SATB1: variants seen among roughly 807,000 people sequenced by gnomAD.
SATB1 encodes the protein DNA-binding protein SATB1.
A neutral mutation model predicts 86.9 loss-of-function variants in SATB1; 11 were observed. The observed-to-expected ratio is 0.13, with a 90% CI of 0.08 to 0.21. The LOEUF is 0.21. Among genes scored for constraint, SATB1 ranks in the 10% least tolerant of loss-of-function variants. SATB1 has a pLI of 1.00. For missense variants in SATB1, 551 were observed against 937.6 expected, an observed-to-expected ratio of 0.59 and a Z score of 5.39; for synonymous variants, 357 against 357.2, an observed-to-expected ratio of 1.00 and a Z score of 0.01.
intron 1 of SATB1, among the ~76,000 whole-genome samples, chr3:18,422,077 A>G (rs1698426160): frequency 6.6e-6 from 1 of 152,184 alleles, no homozygotes; most frequent in East Asian, 1.9e-4. Flanking sequence ...AGAATTGATA[A>G]GAACAGGTAA....
At position 18,347,363 on chromosome 3, in the gene SATB1, A is replaced by ATGT. The variant is rs1694108069; in HGVS notation, c.*1804_*1806dup. 1 of 152,166 alleles carries ATGT rather than the reference A, an allele frequency of 6.6e-6. No individual in the cohort carries two copies. Among genetic ancestry groups the ATGT allele is most frequent in the Non-Finnish European group, 1.5e-5 (1 of 68,020 alleles). The allele number at this position is 152,166 out of a possible 1,614,324, so 9.4% of individuals were successfully genotyped here. ...ATATTCTGGCATTTTACTATGTTTA[A>ATGT]TGTTGCAAGAATTTTGAAGATTGTG... On this transcript the variant is annotated 3_prime_UTR_variant, in exon 11 of 11. Coordinates refer to ENST00000338745, the MANE Select transcript of SATB1 (RefSeq NM_002971.6).
At chr3:18,393,495 T>G (rs1159685063) in intron 7 of SATB1, among the ~76,000 whole-genome samples, 3 of 152,202 alleles carry the variant, frequency 2.0e-5, no homozygotes, top group Admixed American at 1.3e-4. Context: ...ATCTTTATCT[T>G]ATGACCTCTC....
At chr3:18,440,498 A>C (rs9824041), upstream of SATB1, among the ~76,000 whole-genome samples, 1,559 of 152,252 alleles carry the variant, frequency 0.01, 28 homozygotes, top group African/African-American at 0.036. Context: ...CGTGCACTAA[A>C]CTATAAACTG....
chr3:18,366,771 G>A (rs928580262), intron 9 of SATB1, among the ~76,000 whole-genome samples: 2 of 152,034 alleles, frequency 1.3e-5, no homozygotes, highest in Admixed American at 1.3e-4. Flanking sequence ...ATGTAATATG[G>A]AGTTCATATA....
chr3:18,396,842 A>T (rs906310009), intron 6 of SATB1, among the ~76,000 whole-genome samples: 1 of 152,164 alleles, frequency 6.6e-6, no homozygotes, highest in African/African-American at 2.4e-5. Context: ...CAAAAAACCT[A>T]AAAGCAAGAC....
intron 1 of SATB1, among the ~76,000 whole-genome samples, chr3:18,422,477 A>C (rs1490334131): frequency 6.6e-6 from 1 of 152,224 alleles, no homozygotes; most frequent in Non-Finnish European, 1.5e-5. Flanking sequence ...CACACTGAGA[A>C]CTAAAGGTTT....
At chr3:18,427,528 T>C (rs190719043), upstream of SATB1, among the ~76,000 whole-genome samples, 160 of 152,290 alleles carry the variant, frequency 1.1e-3, 1 homozygote, top group Admixed American at 7.7e-3. Context: ...ACGGGAAATA[T>C]CAATATTAAG....
upstream of SATB1, among the ~76,000 whole-genome samples, chr3:18,426,279 C>T (rs1387854925): frequency 2.0e-5 from 3 of 152,190 alleles, no homozygotes; most frequent in African/African-American, 7.2e-5. The surrounding 1 kb of genome is among the most constrained non-coding windows in gnomAD (Gnocchi z 4.2). Context: ...TCAAATCGCC[C>T]TCACTTCTGA....
At position 18,386,918 on chromosome 3, in the gene SATB1, C is replaced by A. The variant is rs765004006; in HGVS notation, c.1207-307G>T. ...ACGATCCAGGGAAGTTAAGAATAAA[C>A]GAAATCCTTATAATGCAACAGCACT... On this transcript the variant is annotated intron_variant, in intron 7 of 10. Coordinates refer to ENST00000338745, the MANE Select transcript of SATB1 (RefSeq NM_002971.6). This position sits in a 1 kb window ranked among gnomAD's most constrained non-coding sequence, Gnocchi z 4.5. Among the ~76,000 whole-genome samples, 2 of 152,092 alleles carry A rather than the reference C, an allele frequency of 1.3e-5. No individual in the cohort carries two copies. Among genetic ancestry groups the A allele is most frequent in the South Asian group, 4.1e-4 (2 of 4,830 alleles).
At chr3:18,445,523 CG>C in exon 1 of SATB1, 1 of 985,432 alleles carries the variant, frequency 1.0e-6, no homozygotes, top group East Asian at 1.1e-4. Context: ...CTCACCTCTC[CG>C]GGGGCCCCCA....
chr3:18,399,159 GT>G (rs1160858139), intron 5 of SATB1, among the ~76,000 whole-genome samples: 1 of 152,184 alleles, frequency 6.6e-6, no homozygotes, highest in African/African-American at 2.4e-5. Context: ...TTTTAGAAGT[GT>G]ATGGAATATC....
intron 9 of SATB1, among the ~76,000 whole-genome samples, chr3:18,361,389 G>A (rs1694899316): frequency 6.6e-6 from 1 of 152,104 alleles, no homozygotes; most frequent in South Asian, 2.1e-4. Flanking sequence ...TATGATGAAT[G>A]TAAGCTATTA....
At chr3:18,367,421 A>C (rs1695238851) in intron 9 of SATB1, among the ~76,000 whole-genome samples, 1 of 152,316 alleles carries the variant, frequency 6.6e-6, no homozygotes, top group African/African-American at 2.4e-5. Context: ...TGTTTTCATG[A>C]AGATATGAGA....
intron 1 of SATB1, among the ~76,000 whole-genome samples, chr3:18,421,733 A>G (rs1698407790): frequency 1.3e-5 from 2 of 152,092 alleles, no homozygotes; most frequent in African/African-American, 2.4e-5. Context: ...TGTGTTTTAG[A>G]GTCAGTATTT....
rs528120491 is a variant in SATB1, at chr3:18,360,995, G to A, written c.1576-8800C>T. Among the ~76,000 whole-genome samples the A allele has an allele frequency of 3.3e-5, 5 of 152,178 alleles. No individual in the cohort carries two copies. The East Asian group carries it at 9.7e-4, about 29-fold the overall frequency. On this transcript the variant is annotated intron_variant, in intron 9 of 10. Coordinates refer to ENST00000338745, the MANE Select transcript of SATB1 (RefSeq NM_002971.6). ...AATACTGGCTTGGATTTGAAAAGGGGACAATATTTAAAACAGGAAAAATAA... is the reference window on the plus strand; with the variant it reads ...AATACTGGCTTGGATTTGAAAAGGGAACAATATTTAAAACAGGAAAAATAA...
At chr3:18,374,255 A>G (rs1279790191) in intron 9 of SATB1, among the ~76,000 whole-genome samples, 1 of 152,194 alleles carries the variant, frequency 6.6e-6, no homozygotes, top group East Asian at 1.9e-4. Context: ...ATCTGCCACC[A>G]TTAAGGAAAA....
upstream of SATB1, among the ~76,000 whole-genome samples, chr3:18,429,912 A>C (rs1698835149): frequency 6.6e-6 from 1 of 152,192 alleles, no homozygotes; most frequent in Non-Finnish European, 1.5e-5. The surrounding 1 kb of genome is among the most constrained non-coding windows in gnomAD (Gnocchi z 4.1). Context: ...TGTAATATTT[A>C]TATTATAAAT....
At position 18,386,283 on chromosome 3, in the gene SATB1, G is replaced by A. The variant is rs184753818; in HGVS notation, c.1419+116C>T. 2,023 of 812,518 alleles carry A rather than the reference G, an allele frequency of 2.5e-3. 29 individuals are homozygous for A. Among genetic ancestry groups the A allele is most frequent in the East Asian group, 2.2e-3 (83 of 38,274 alleles). 50.3% of individuals were successfully genotyped at this position (812,518 alleles called of 1,614,324 possible). On this transcript the variant is annotated intron_variant, in intron 8 of 10. Transcript: ENST00000338745. The surrounding 1 kb of genome is among the most constrained non-coding windows in gnomAD (Gnocchi z 4.5). Reference sequence around the variant, plus strand: ...CCAAATTCTCCTCAAGCAACTATACGAATTTAAAAACATATAAATCTATGT... The same window carrying A: ...CCAAATTCTCCTCAAGCAACTATACAAATTTAAAAACATATAAATCTATGT...
In SATB1 at chr3:18,377,991, C is replaced by A. The variant is rs552341810; in HGVS notation, c.1575+179G>T. Among the ~76,000 whole-genome samples the A allele has an allele frequency of 4.6e-3, 706 of 152,194 alleles. 6 individuals are homozygous for A. The highest frequency in any genetic ancestry group is 0.015 in the African/African-American group (632 of 41,512). On this transcript the variant is annotated intron_variant, in intron 9 of 10. Coordinates refer to ENST00000338745, the MANE Select transcript of SATB1 (RefSeq NM_002971.6). The stretch of plus-strand genomic sequence containing the variant: ...TCTGAGGAGTGGCTATTGGAAAAAA[C>A]AAAACTAAGTGCCTATAACCTGAAT...
Sources: gnomAD v4.1 joint callset for allele counts (sites outside exome capture counted in the v4.1 genomes callset) on GRCh38, gnomAD v4.1.1 for gene constraint, Gnocchi (gnomAD v3.1) non-coding constraint, MANE v1.5 for transcripts, NCBI Gene and HGNC (gene_info 2026-07-23, HGNC 2026-07-21) for gene names.